ANO4: variants seen among roughly 807,000 people sequenced by gnomAD.
ANO4 encodes anoctamin-4.
A neutral mutation model predicts 141.9 loss-of-function variants in ANO4; 69 were observed. The observed-to-expected ratio is 0.49, with a 90% CI of 0.40 to 0.59. ANO4 has a LOEUF of 0.59. Ranked by LOEUF, ANO4 falls within the 20% of genes least tolerant of loss-of-function variation. The pLI is 0.00. For missense variants in ANO4, 894 were observed against 1,162.2 expected (o/e 0.77, Z 3.36); for synonymous variants, 350 against 394.3 (o/e 0.89, Z 1.33).
intron 3 of ANO4, among the ~76,000 whole-genome samples, chr12:100,749,766 A>T (rs2032286650): frequency 6.6e-6 from 1 of 152,236 alleles, no homozygotes; most frequent in Admixed American, 6.5e-5. Context: ...TGGCTTTAAG[A>T]TGCTCCAATA....
Position 101,066,738 on chromosome 12 carries a change from C to T in ANO4, c.1313-12455C>T. 4 of 844,720 alleles carry T rather than the reference C, an allele frequency of 4.7e-6. No individual in the cohort carries two copies. In the Admixed American group the frequency reaches 6.9e-5, roughly 15 times the overall value. 52.3% of individuals were successfully genotyped at this position (844,720 alleles called of 1,614,324 possible). Reference sequence around the variant, plus strand: ...CTGCTTGAGTCCTGCGTTGCCATGGCCACAGTTCCTGAGTTGCTGCAGCAG... The same window carrying T: ...CTGCTTGAGTCCTGCGTTGCCATGGTCACAGTTCCTGAGTTGCTGCAGCAG... On this transcript the variant is annotated intron_variant, in intron 14 of 27. Transcript: ENST00000392977.
At chr12:100,771,031 G>A (rs1042659145) in intron 3 of ANO4, among the ~76,000 whole-genome samples, 5 of 152,156 alleles carry the variant, frequency 3.3e-5, no homozygotes, top group Admixed American at 1.3e-4. Context: ...TGAATATGCC[G>A]ATCTTTAAAA....
intron 2 of ANO4, among the ~76,000 whole-genome samples, chr12:100,912,406 A>AAAAAAG (rs2041143387): frequency 9.9e-6 from 1 of 100,948 alleles, no homozygotes; most frequent in Non-Finnish European, 2.1e-5. Flanking sequence ...AAAAAAAAAA[A>AAAAAAG]AAAGAAAAAA....
intron 1 of ANO4, among the ~76,000 whole-genome samples, chr12:100,850,956 A>G (rs1333918513): frequency 6.6e-6 from 1 of 152,178 alleles, no homozygotes; most frequent in Non-Finnish European, 1.5e-5. Flanking sequence ...ATATAACATA[A>G]CATATTTAAC....
At chr12:100,756,292 G>C (rs979851670) in intron 3 of ANO4, among the ~76,000 whole-genome samples, 3 of 152,158 alleles carry the variant, frequency 2.0e-5, no homozygotes, top group African/African-American at 7.2e-5. Context: ...ATAATAAGCA[G>C]ATTAGTGAAG....
intron 14 of ANO4, chr12:101,068,361 G>C (rs1199602247): frequency 9.2e-7 from 1 of 1,081,382 alleles, no homozygotes; most frequent in Non-Finnish European, 1.4e-6. Flanking sequence ...GAAGGTAAAG[G>C]GTCTTTGACC....
chr12:100,848,855 T>C (rs1379535314), intron 1 of ANO4, among the ~76,000 whole-genome samples: 2 of 152,196 alleles, frequency 1.3e-5, no homozygotes, highest in East Asian at 1.9e-4. Context: ...TTGTCTGGGC[T>C]CTCCTGGTGC....
At chr12:101,034,839 T>C (rs1593079379) in intron 9 of ANO4, among the ~76,000 whole-genome samples, 3 of 152,152 alleles carry the variant, frequency 2.0e-5, no homozygotes, top group Non-Finnish European at 4.4e-5. Context: ...CATTAAAAAA[T>C]GAGAATTAAA....
chr12:100,737,137 G>A (rs574251985), intron 2 of ANO4, among the ~76,000 whole-genome samples: 51 of 152,254 alleles, frequency 3.3e-4, no homozygotes, highest in Non-Finnish European at 1.6e-4. Flanking sequence ...TGGCTGAAAC[G>A]ATAGGAAATT....
intron 8 of ANO4, among the ~76,000 whole-genome samples, chr12:100,998,955 C>T (rs2045515853): frequency 6.6e-6 from 1 of 152,160 alleles, no homozygotes; most frequent in Admixed American, 6.5e-5. Flanking sequence ...GTCATTATCC[C>T]CATTTTTACA....
At chr12:100,995,457 G>T (rs550396172) in intron 8 of ANO4, among the ~76,000 whole-genome samples, 1 of 152,198 alleles carries the variant, frequency 6.6e-6, no homozygotes, top group African/African-American at 2.4e-5. Context: ...GAGGAATGAC[G>T]TGGTCTGACT....
In ANO4 at chr12:100,756,559, A is replaced by G. The variant is rs143198435; in HGVS notation, c.358+16454A>G. Among the ~76,000 whole-genome samples the G allele has an allele frequency of 2.3e-3, 344 of 152,252 alleles. 1 individual carries two copies. Among genetic ancestry groups the G allele is most frequent in the African/African-American group, 7.8e-3 (325 of 41,538 alleles). The stretch of plus-strand genomic sequence containing the variant: ...GAGATGGGGTTTCTCTATGTTGGCC[A>G]GGCTGGCTTCGAACTCCTGACCTTG... On this transcript the variant is annotated intron_variant, in intron 3 of 29. Coordinates refer to the ANO4 transcript ENST00000644049.
chr12:100,974,057 G>T lies in ANO4; in HGVS notation c.558-788G>T, dbSNP rs144700753. On this transcript the variant is annotated intron_variant, in intron 6 of 27. Transcript: ENST00000392977. ...TTCATTATTATTCCATTCAGTTTCGGTTGAAGCCTGAAATATGGAAAGTGA... is the reference window on the plus strand; with the variant it reads ...TTCATTATTATTCCATTCAGTTTCGTTTGAAGCCTGAAATATGGAAAGTGA... 1.8e-3 allele frequency among the ~76,000 whole-genome samples: 278 copies of T among 152,272 alleles called. 1 individual carries two copies. Among genetic ancestry groups the T allele is most frequent in the African/African-American group, 6.3e-3 (262 of 41,542 alleles).
chr12:100,912,607 G>A (rs866157449), intron 2 of ANO4, among the ~76,000 whole-genome samples: 1 of 151,990 alleles, frequency 6.6e-6, no homozygotes, highest in Non-Finnish European at 1.5e-5. Flanking sequence ...TTGAAGATGA[G>A]CATTAGTTAA....
At chr12:100,905,314 A>G (rs1285219428) in intron 2 of ANO4, among the ~76,000 whole-genome samples, 1 of 152,198 alleles carries the variant, frequency 6.6e-6, no homozygotes, top group Non-Finnish European at 1.5e-5. Flanking sequence ...GAGAGCATCA[A>G]GGGCTGAGAT....
At chr12:100,748,997 GC>G (rs1324288773) in intron 3 of ANO4, among the ~76,000 whole-genome samples, 1 of 152,150 alleles carries the variant, frequency 6.6e-6, no homozygotes, top group Non-Finnish European at 1.5e-5. Context: ...GCATTTTTAT[GC>G]ATTTTGGAAG....
chr12:100,828,535 A>G (rs952968733), intron 1 of ANO4, among the ~76,000 whole-genome samples: 5 of 152,034 alleles, frequency 3.3e-5, no homozygotes, highest in African/African-American at 9.7e-5. Context: ...ATGAGTCCCT[A>G]TCTTTTCAAG....
intron 5 of ANO4, among the ~76,000 whole-genome samples, chr12:100,963,442 A>G (rs2043509962): frequency 6.6e-6 from 1 of 152,026 alleles, no homozygotes; most frequent in Non-Finnish European, 1.5e-5. Context: ...TTAGGAACAT[A>G]TAGTACTTCA....
rs1024987407 is a variant in ANO4, at chr12:101,072,855, A to G, written c.1313-6338A>G. Among the ~76,000 whole-genome samples, 5 of 152,252 alleles carry G rather than the reference A, an allele frequency of 3.3e-5. No homozygotes were observed. In the South Asian group the frequency reaches 8.3e-4, roughly 25 times the overall value. On this transcript the variant is annotated intron_variant, in intron 14 of 27. Transcript: ENST00000392977. ...GAAATGCTCATCATCACTGGCCATC[A>G]GAGGAATGCAAATCAAAACCACAAT...
Sources: gnomAD v4.1 joint callset for allele counts (sites outside exome capture counted in the v4.1 genomes callset) on GRCh38, gnomAD v4.1.1 for gene constraint, MANE v1.5 for transcripts, NCBI Gene and HGNC (gene_info 2026-07-23, HGNC 2026-07-21) for gene names.